Variants in HORMAD2 observed in about 807,000 individuals in gnomAD.
HORMAD2 encodes the protein HORMA domain-containing protein 2.
A neutral mutation model predicts 38.8 loss-of-function variants in HORMAD2; 45 were observed. That is an observed-to-expected ratio of 1.16 (90% CI 0.91 to 1.49). The LOEUF is 1.49. Among genes scored for constraint, HORMAD2 ranks in the 40% most tolerant of loss-of-function variants. The pLI, the probability that HORMAD2 is intolerant of heterozygous loss-of-function variation, is 0.00. For synonymous variants in HORMAD2, 126 were observed against 122.8 expected (o/e 1.03, Z -0.17); for missense variants, 338 against 367.0 (o/e 0.92, Z 0.65).
intron 5 of HORMAD2, among the ~76,000 whole-genome samples, chr22:30,106,585 A>T (rs973042503): frequency 3.3e-5 from 5 of 151,984 alleles, no homozygotes; most frequent in African/African-American, 1.2e-4. Flanking sequence ...AACAGTGCTC[A>T]CTCATTCCCC....
chr22:30,127,734 G>A (rs112866342), intron 10 of HORMAD2, among the ~76,000 whole-genome samples: 4 of 152,248 alleles, frequency 2.6e-5, no homozygotes, highest in African/African-American at 7.2e-5. Context: ...TATCCTACAG[G>A]TACCTTAGAT....
At chr22:30,161,399 T>C (rs892796434) in intron 10 of HORMAD2, among the ~76,000 whole-genome samples, 31 of 152,248 alleles carry the variant, frequency 2.0e-4, no homozygotes, top group Admixed American at 2.0e-3. Flanking sequence ...GTATCTATTA[T>C]CTGTTCATCT....
the HORMAD2 span, among the ~76,000 whole-genome samples, chr22:30,190,132 G>C: frequency 6.6e-6 from 1 of 152,116 alleles, no homozygotes; most frequent in Admixed American, 6.5e-5. Flanking sequence ...CCTGTGAAAT[G>C]GGGATAATCA....
At chr22:30,098,803 G>A in intron 2 of HORMAD2, 49 bp from the exon 3 acceptor site, 1 of 1,529,692 alleles carries the variant, frequency 6.5e-7, no homozygotes, top group Non-Finnish European at 8.9e-7. Context: ...GTGCTAAACT[G>A]AATATATTAA....
chr22:30,168,012 T>C (rs915774332), intron 10 of HORMAD2, among the ~76,000 whole-genome samples: 3 of 152,182 alleles, frequency 2.0e-5, no homozygotes, highest in African/African-American at 7.2e-5. Flanking sequence ...ACATAACATA[T>C]GTGATTTTTT....
At chr22:30,081,950 C>T (rs143684676) in intron 1 of HORMAD2, among the ~76,000 whole-genome samples, 2 of 152,134 alleles carry the variant, frequency 1.3e-5, no homozygotes, top group Admixed American at 6.5e-5. Context: ...TATTTGTATA[C>T]AGTGTGAGAT....
At chr22:30,150,245 T>C (rs952297473) in intron 10 of HORMAD2, among the ~76,000 whole-genome samples, 12 of 152,184 alleles carry the variant, frequency 7.9e-5, no homozygotes. Flanking sequence ...TGTTTATGCC[T>C]TTGTTGTGTT....
At chr22:30,186,619 C>A in the HORMAD2 span, among the ~76,000 whole-genome samples, 1 of 152,050 alleles carries the variant, frequency 6.6e-6, no homozygotes, top group Admixed American at 6.6e-5. Flanking sequence ...CCTCCTCCAT[C>A]TTTTCCTATC....
At chr22:30,139,615 C>CTAA (rs1189259270) in intron 10 of HORMAD2, among the ~76,000 whole-genome samples, 2 of 151,858 alleles carry the variant, frequency 1.3e-5, no homozygotes, top group Non-Finnish European at 2.9e-5. Flanking sequence ...ATTGCCCTGG[C>CTAA]TAGAACCTCC....
At chr22:30,148,440 T>A (rs1171249162) in intron 10 of HORMAD2, among the ~76,000 whole-genome samples, 1 of 152,172 alleles carries the variant, frequency 6.6e-6, no homozygotes, top group Non-Finnish European at 1.5e-5. Context: ...ATGTTTTATA[T>A]CTTGATTGTG....
chr22:30,121,854 G>A, intron 9 of HORMAD2, 65 bp downstream of exon 9: 1 of 1,543,534 alleles, frequency 6.5e-7, no homozygotes, highest in South Asian at 1.2e-5. Context: ...ATAAGTAAAA[G>A]GATTTTGCAG....
intron 10 of HORMAD2, 50 bp from the exon 11 acceptor site, chr22:30,176,013 A>G (rs117291554): frequency 1.7e-6 from 2 of 1,169,468 alleles, no homozygotes; most frequent in Middle Eastern, 1.9e-4. Flanking sequence ...TGTCTTGTGC[A>G]GATGTCAAAA....
At chr22:30,174,757 T>A (rs973744723) in intron 10 of HORMAD2, among the ~76,000 whole-genome samples, 1 of 152,214 alleles carries the variant, frequency 6.6e-6, no homozygotes, top group African/African-American at 2.4e-5. Context: ...TTTTACCAGA[T>A]ACTTTTTTCC....
intron 10 of HORMAD2, among the ~76,000 whole-genome samples, chr22:30,168,960 A>G (rs1206077768): frequency 6.6e-6 from 1 of 152,144 alleles, no homozygotes; most frequent in Non-Finnish European, 1.5e-5. Context: ...TGTCTGACCC[A>G]GCCCACCACT....
chr22:30,120,996 A>G (rs1327333830), intron 8 of HORMAD2, among the ~76,000 whole-genome samples: 1 of 152,214 alleles, frequency 6.6e-6, no homozygotes, highest in African/African-American at 2.4e-5. Context: ...ACTGATGGAT[A>G]TAATAGAAGA....
the HORMAD2 span, among the ~76,000 whole-genome samples, chr22:30,188,875 C>G: frequency 6.6e-6 from 1 of 152,100 alleles, no homozygotes; most frequent in East Asian, 1.9e-4. Context: ...GTGGCTCATG[C>G]CTGTAATCCC....
At chr22:30,106,339 A>T (rs531215401) in intron 5 of HORMAD2, among the ~76,000 whole-genome samples, 1 of 152,246 alleles carries the variant, frequency 6.6e-6, no homozygotes, top group Admixed American at 6.5e-5. Flanking sequence ...TATCAATTTG[A>T]TATTTTTATG....
At chr22:30,107,867 G>A (rs190644053) in intron 5 of HORMAD2, among the ~76,000 whole-genome samples, 3 of 148,646 alleles carry the variant, frequency 2.0e-5, no homozygotes, top group African/African-American at 7.7e-5. Flanking sequence ...ATGAAATTTT[G>A]TGTGATTTTT....
At chr22:30,122,923 A>C (rs1314645674) in intron 10 of HORMAD2, among the ~76,000 whole-genome samples, 5 of 152,200 alleles carry the variant, frequency 3.3e-5, no homozygotes, top group African/African-American at 1.2e-4. Flanking sequence ...TCTGAGTTAG[A>C]CAAAAAATTT....
Sources: gnomAD v4.1 joint callset for allele counts (sites outside exome capture counted in the v4.1 genomes callset) on GRCh38, gnomAD v4.1.1 for gene constraint, MANE v1.5 for transcripts, NCBI Gene and HGNC (gene_info 2026-07-23, HGNC 2026-07-21) for gene names.